The following CRK variants were observed in gnomAD, a reference collection of about 807,000 sequenced individuals.
The protein encoded by CRK is CRK proto-oncogene, adaptor protein, also known as adapter molecule crk.
A neutral mutation model predicts 29.8 loss-of-function variants in CRK; 4 were observed. The observed-to-expected ratio is 0.13, with a 90% CI of 0.07 to 0.31. CRK has a LOEUF of 0.31. CRK is among the 10% of genes least tolerant of loss of function. CRK has a pLI of 1.00. For missense variants in CRK, 274 were observed against 396.5 expected, an observed-to-expected ratio of 0.69 and a Z score of 2.62; for synonymous variants, 153 against 164.9, an observed-to-expected ratio of 0.93 and a Z score of 0.55.
chr17:1,447,353 C>T (rs1373643523), intron 1 of CRK, among the ~76,000 whole-genome samples: 1 of 151,856 alleles, frequency 6.6e-6, no homozygotes, highest in East Asian at 1.9e-4. Flanking sequence ...TAGGAAGTCA[C>T]ACAAACGGAA....
intron 1 of CRK, among the ~76,000 whole-genome samples, chr17:1,441,208 G>T (rs555009066): frequency 6.6e-6 from 1 of 152,136 alleles, no homozygotes; most frequent in Non-Finnish European, 1.5e-5. Flanking sequence ...TATTACAGGC[G>T]TGAGCCACCA....
chr17:1,454,781 C>G (rs1466505949), intron 1 of CRK, among the ~76,000 whole-genome samples: 1 of 152,124 alleles, frequency 6.6e-6, no homozygotes, highest in East Asian at 1.9e-4. Flanking sequence ...AATGAGAACC[C>G]CAGAATTACT....
chr17:1,451,334 G>C (rs1036226805), intron 1 of CRK, among the ~76,000 whole-genome samples: 6 of 151,360 alleles, frequency 4.0e-5, no homozygotes, highest in Non-Finnish European at 8.8e-5. Flanking sequence ...GGGTTCAAGC[G>C]ATTCTCGTGC....
At chr17:1,442,590 TTG>T (rs1019572100) in intron 1 of CRK, among the ~76,000 whole-genome samples, 1 of 150,246 alleles carries the variant, frequency 6.7e-6, no homozygotes, top group Non-Finnish European at 1.5e-5. Context: ...GGGATTTTTC[TTG>T]TGTGTGAAAG....
intron 2 of CRK, among the ~76,000 whole-genome samples, chr17:1,427,030 CAAAAAAAAAAAAAAAAAAAAAAA>C (rs562515421): frequency 1.7e-3 from 59 of 35,302 alleles, no homozygotes; most frequent in South Asian, 8.7e-3. Flanking sequence ...AAACTGTCTC[CAAAAAAAAAAAAAAAAAAAAAAA>C]AAAAAAAAAA....
rs536672174 is a variant in CRK, at chr17:1,430,975, G to A, written c.777+5645C>T. ...CCCAGCTGCTAGGGAGGCTGAGGCA[G>A]GAGAATAGCGTGAACCCTGGAGGCG... On this transcript the variant is annotated intron_variant, in intron 2 of 2. Transcript: ENST00000300574. 7.2e-5 allele frequency among the ~76,000 whole-genome samples: 11 copies of A among 152,170 alleles called. No individual in the cohort carries two copies. In the East Asian group the frequency reaches 2.2e-3, roughly 30 times the overall value.
chr17:1,447,533 T>C (rs1220311509), intron 1 of CRK, among the ~76,000 whole-genome samples: 2 of 151,646 alleles, frequency 1.3e-5, no homozygotes, highest in Non-Finnish European at 1.5e-5. Context: ...TGGGCTAAAA[T>C]AGGCCCAATC....
intron 2 of CRK, among the ~76,000 whole-genome samples, chr17:1,432,154 G>A (rs1407583726): frequency 6.6e-6 from 1 of 152,112 alleles, no homozygotes; most frequent in East Asian, 1.9e-4. Context: ...TTACAGCTCT[G>A]TGGGATGGGA....
Position 1,429,756 on chromosome 17 carries a change from C to T in CRK, c.778-6106G>A, listed in dbSNP as rs116549374. Among the ~76,000 whole-genome samples, 944 of 152,052 alleles carry T rather than the reference C, an allele frequency of 6.2e-3. 9 individuals are homozygous for T. Among genetic ancestry groups the T allele is most frequent in the African/African-American group, 0.021 (875 of 41,490 alleles). Reference sequence around the variant, plus strand: ...TCAGTCTAGGTTACAAAGCAAGACTCCATTTCTACAAAATTAAAAGTACAA... The same window carrying T: ...TCAGTCTAGGTTACAAAGCAAGACTTCATTTCTACAAAATTAAAAGTACAA... On this transcript the variant is annotated intron_variant, in intron 2 of 2. Coordinates refer to ENST00000300574, the MANE Select transcript of CRK (RefSeq NM_016823.4).
chr17:1,427,004 C>T (rs917659811), intron 2 of CRK, among the ~76,000 whole-genome samples: 8 of 114,156 alleles, frequency 7.0e-5, no homozygotes, highest in African/African-American at 2.7e-4. Flanking sequence ...TGCACTCCAG[C>T]CTGGGCGACA....
intron 2 of CRK, among the ~76,000 whole-genome samples, chr17:1,424,127 C>T (rs2073754239): frequency 1.5e-5 from 2 of 133,044 alleles, no homozygotes; most frequent in Admixed American, 9.1e-5. Context: ...ATGACAGTGG[C>T]GTGATCTCAG....
intron 1 of CRK, 59 bp from the exon 2 acceptor site, chr17:1,437,214 GATTTT>G: frequency 2.0e-6 from 3 of 1,487,394 alleles, no homozygotes; most frequent in South Asian, 2.8e-5. Flanking sequence ...ATGAAATGCA[GATTTT>G]ATTTTTATTT....
chr17:1,454,176 T>C (rs904466418), intron 1 of CRK, among the ~76,000 whole-genome samples: 8 of 148,938 alleles, frequency 5.4e-5, no homozygotes, highest in African/African-American at 2.0e-4. Flanking sequence ...CACTCCAGCC[T>C]GGGCGACAGA....
intron 2 of CRK, 146 bp downstream of exon 2, chr17:1,436,474 C>A: frequency 1.2e-6 from 1 of 817,038 alleles, no homozygotes. Context: ...AAGAGAAAAC[C>A]CAACATTCAA....
In CRK at chr17:1,433,517, T is replaced by A. The variant is rs1033313245; in HGVS notation, c.777+3103A>T. Among the ~76,000 whole-genome samples, 42 of 137,462 alleles carry A rather than the reference T, an allele frequency of 3.1e-4. 3 individuals carry two copies. Among genetic ancestry groups the A allele is most frequent in the East Asian group, 2.7e-3 (13 of 4,838 alleles). 90.2% of individuals were successfully genotyped at this position (137,462 alleles called of 152,430 possible). On this transcript the variant is annotated intron_variant, in intron 2 of 2. Coordinates refer to ENST00000300574, the MANE Select transcript of CRK (RefSeq NM_016823.4). ...CACACCACCACGCCTGGCTTTTTTT[T>A]TTTTTTTTTTTTTTTTTTGAGATGG...
At chr17:1,445,802 T>G (rs1000253683) in intron 1 of CRK, among the ~76,000 whole-genome samples, 2 of 152,150 alleles carry the variant, frequency 1.3e-5, no homozygotes, top group African/African-American at 2.4e-5. Flanking sequence ...GGCTTAGAAA[T>G]GGTTCTGATC....
rs190276955 is a variant in CRK at position 1,422,452 on chromosome 17, C to G, written c.*1061G>C. 1 of 152,402 alleles carries G rather than the reference C, an allele frequency of 6.6e-6. No individual in the cohort carries two copies. The allele number at this position is 152,402 out of a possible 1,614,324, so 9.4% of individuals were successfully genotyped here. On this transcript the variant is annotated 3_prime_UTR_variant, in exon 3 of 3. Coordinates refer to ENST00000300574, the MANE Select transcript of CRK (RefSeq NM_016823.4). ...TGCTGGGATTACAGACGTGAGCCAC[C>G]GCGCCCAGCCGGTTCAACATTTTTT...
intron 1 of CRK, among the ~76,000 whole-genome samples, chr17:1,444,646 T>C (rs1336991979): frequency 1.4e-5 from 2 of 139,566 alleles, no homozygotes; most frequent in African/African-American, 2.7e-5. Context: ...CTGACCAACA[T>C]GGAGAAACCC....
intron 1 of CRK, among the ~76,000 whole-genome samples, chr17:1,444,499 T>G (rs1037979615): frequency 1.4e-5 from 2 of 147,520 alleles, no homozygotes; most frequent in African/African-American, 2.5e-5. Context: ...CCCTCCAGCC[T>G]GGGTAACAGA....
Sources: allele counts gnomAD v4.1 joint callset (sites outside exome capture counted in the v4.1 genomes callset), GRCh38; gene constraint gnomAD v4.1.1; transcripts MANE v1.5; gene names NCBI Gene and HGNC (gene_info 2026-07-23, HGNC 2026-07-21).